PTPRJ: variants seen among roughly 807,000 people sequenced by gnomAD.
PTPRJ encodes protein tyrosine phosphatase receptor type J, also known as receptor-type tyrosine-protein phosphatase eta.
A neutral mutation model predicts 141.3 loss-of-function variants in PTPRJ; 129 were observed. The observed-to-expected ratio is 0.91, with a 90% confidence interval of 0.79 to 1.06. PTPRJ has a LOEUF of 1.06. Among genes scored for constraint, PTPRJ ranks in the 50% least tolerant of loss-of-function variants. PTPRJ has a pLI of 0.00. For synonymous variants in PTPRJ, 610 were observed against 640.5 expected, an observed-to-expected ratio of 0.95 and a Z score of 0.72; for missense variants, 1,601 against 1,679.7, an observed-to-expected ratio of 0.95 and a Z score of 0.82.
Position 48,163,599 on chromosome 11 carries a change from C to T in PTPRJ, c.3700C>T (p.Pro1234Ser), listed in dbSNP as rs764318629. ...DYMKQSPPES[P>S]ILVHCSAGVG... ...CATGAAGCAGAGTCCTCCCGAATCG[C>T]CGATTCTGGTGCATTGCAGGTACGC... The change falls in exon 23 of 25, where the codon CCG (proline) becomes TCG (serine). Residue 1234 changes from proline (P) to serine (S), a missense_variant. Coordinates refer to ENST00000418331, the MANE Select transcript of PTPRJ (RefSeq NM_002843.4). 1.2e-6 allele frequency: 2 copies of T among 1,613,694 alleles called. No individual in the cohort carries two copies. The highest frequency in any genetic ancestry group is 3.3e-5 in the Admixed American group (2 of 60,020).
In PTPRJ at chr11:48,168,606, T is replaced by G. The variant is rs1280952385; in HGVS notation, c.*1244T>G. On this transcript the variant is annotated 3_prime_UTR_variant, in exon 25 of 25. Transcript: ENST00000418331. ...TACACTAAGCTCTCAAAAACAGTCATTCCTATGAATTGAGGTGTACAAAGT... is the reference window on the plus strand; with the variant it reads ...TACACTAAGCTCTCAAAAACAGTCAGTCCTATGAATTGAGGTGTACAAAGT... 1 of 131,622 alleles carries G rather than the reference T, an allele frequency of 7.6e-6. No homozygotes were observed. The highest frequency in any genetic ancestry group is 2.8e-5 in the African/African-American group (1 of 35,212). The allele number at this position is 131,622 out of a possible 1,614,324, so 8.2% of individuals were successfully genotyped here. A position where few individuals can be genotyped will look rare whatever the true frequency, so the allele number is the denominator to read the frequency against.
At chr11:48,033,596 G>A (rs539951266) in intron 1 of PTPRJ, among the ~76,000 whole-genome samples, 1 of 152,248 alleles carries the variant, frequency 6.6e-6, no homozygotes, top group East Asian at 1.9e-4. Flanking sequence ...TGCTCCAAAC[G>A]TGTGCTATGG....
chr11:48,087,692 C>T (rs1031726912), intron 1 of PTPRJ, among the ~76,000 whole-genome samples: 3 of 152,164 alleles, frequency 2.0e-5, no homozygotes, highest in Non-Finnish European at 2.9e-5. Flanking sequence ...TTTGAGTCAT[C>T]CATTTGAACA....
chr11:48,156,924 C>T (rs960163204), intron 21 of PTPRJ, among the ~76,000 whole-genome samples: 2 of 151,864 alleles, frequency 1.3e-5, no homozygotes, highest in African/African-American at 4.8e-5. Flanking sequence ...AGACTTATCC[C>T]TGGATAAGCC....
intron 19 of PTPRJ, among the ~76,000 whole-genome samples, chr11:48,154,215 C>G (rs1275812063): frequency 2.0e-5 from 3 of 152,208 alleles, no homozygotes; most frequent in Non-Finnish European, 4.4e-5. Flanking sequence ...GTCTGTCTGT[C>G]TCAGTAAGGG....
chr11:48,064,011 A>T (rs1301668453), intron 1 of PTPRJ, among the ~76,000 whole-genome samples: 3 of 150,814 alleles, frequency 2.0e-5, no homozygotes. Context: ...TCTGCCTGAG[A>T]GTTGATTTTC....
At chr11:48,110,979 T>A (rs1287966768) in intron 2 of PTPRJ, among the ~76,000 whole-genome samples, 1 of 152,200 alleles carries the variant, frequency 6.6e-6, no homozygotes, top group Non-Finnish European at 1.5e-5. Flanking sequence ...CATAAAACAT[T>A]TCTATAAGAA....
In PTPRJ at chr11:48,169,523, T is replaced by G. The variant is rs1213869014; in HGVS notation, c.*2161T>G. On this transcript the variant is annotated 3_prime_UTR_variant, in exon 25 of 25. Transcript: ENST00000418331. ...CTCATACAGATCTCGGAGCGGTCGG[T>G]ACTTCATTCATAGGTCCCTGTTCAG... 1 of 152,114 alleles carries G rather than the reference T, an allele frequency of 6.6e-6. No individual in the cohort carries two copies. The highest frequency in any genetic ancestry group is 1.5e-5 in the Non-Finnish European group (1 of 68,080). 9.4% of individuals were successfully genotyped at this position (152,114 alleles called of 1,614,324 possible). A position where few individuals can be genotyped will look rare whatever the true frequency, so the allele number is the denominator to read the frequency against.
In PTPRJ at chr11:47,980,713, T is replaced by C. The variant is rs941200951; in HGVS notation, c.-200T>C. 6.3e-5 allele frequency: 63 copies of C among 997,348 alleles called. No individual in the cohort carries two copies. Among genetic ancestry groups the C allele is most frequent in the Non-Finnish European group, 7.4e-5 (62 of 839,938 alleles). The allele number at this position is 997,348 out of a possible 1,614,324, so 61.8% of individuals were successfully genotyped here. ...CCCCCCCGCGGCAGCCGCGCTAGGC[T>C]CCGGCGTGTGGCCGCGGCCGCCGCC... On this transcript the variant is annotated 5_prime_UTR_variant, in exon 1 of 25. Transcript: ENST00000418331.
intron 1 of PTPRJ, among the ~76,000 whole-genome samples, chr11:48,038,943 G>A (rs1388717331): frequency 3.3e-5 from 5 of 150,956 alleles, no homozygotes; most frequent in Non-Finnish European, 7.4e-5. Flanking sequence ...GAGGTCAGGA[G>A]TTCGAGACCA....
At chr11:48,089,501 G>A (rs1855806130) in intron 1 of PTPRJ, among the ~76,000 whole-genome samples, 1 of 139,852 alleles carries the variant, frequency 7.2e-6, no homozygotes, top group Non-Finnish European at 1.5e-5. Flanking sequence ...GGGCAACGGA[G>A]CGAGACTCCA....
At chr11:48,003,755 C>CA (rs1247937526) in intron 1 of PTPRJ, among the ~76,000 whole-genome samples, 1 of 152,190 alleles carries the variant, frequency 6.6e-6, no homozygotes, top group African/African-American at 2.4e-5. Context: ...CTTGGCTCCT[C>CA]AAAGTGTTGG....
chr11:48,083,290 T>C (rs1855614113), intron 1 of PTPRJ, among the ~76,000 whole-genome samples: 1 of 152,094 alleles, frequency 6.6e-6, no homozygotes, highest in Non-Finnish European at 1.5e-5. Context: ...CTGAGCGTGG[T>C]GGTGTGCGCC....
intron 1 of PTPRJ, among the ~76,000 whole-genome samples, chr11:48,054,302 G>T (rs933978163): frequency 6.6e-6 from 1 of 152,194 alleles, no homozygotes; most frequent in African/African-American, 2.4e-5. Flanking sequence ...GGGCCCCATT[G>T]TGCAACCTCT....
At chr11:48,079,831 G>T (rs984742914) in intron 1 of PTPRJ, among the ~76,000 whole-genome samples, 3 of 152,124 alleles carry the variant, frequency 2.0e-5, no homozygotes, top group Non-Finnish European at 4.4e-5. Context: ...CTACAGTCCC[G>T]TGCCTGCTTC....
intron 1 of PTPRJ, among the ~76,000 whole-genome samples, chr11:47,994,078 C>T (rs1483131874): frequency 6.6e-6 from 1 of 151,254 alleles, no homozygotes; most frequent in Non-Finnish European, 1.5e-5. Flanking sequence ...CCAGGCTGGT[C>T]GTGAACTCTT....
At chr11:48,137,463 A>G (rs1433903573) in intron 10 of PTPRJ, among the ~76,000 whole-genome samples, 182 bp downstream of exon 10, 2 of 152,192 alleles carry the variant, frequency 1.3e-5, no homozygotes, top group Non-Finnish European at 2.9e-5. Flanking sequence ...TTCTGCATTC[A>G]ATAAATATTT....
intron 2 of PTPRJ, among the ~76,000 whole-genome samples, chr11:48,112,070 C>T (rs1856454773): frequency 6.6e-6 from 1 of 152,120 alleles, no homozygotes; most frequent in Non-Finnish European, 1.5e-5. Context: ...GCCACTGCCA[C>T]AGTGTTGGTT....
At chr11:48,155,675 C>T in intron 19 of PTPRJ, 126 bp from the exon 20 acceptor site, 1 of 724,526 alleles carries the variant, frequency 1.4e-6, no homozygotes, top group Admixed American at 2.7e-5. Context: ...AAATGCCACA[C>T]TGTGCATCTT....
Sources: allele counts gnomAD v4.1 joint callset (sites outside exome capture counted in the v4.1 genomes callset), GRCh38; gene constraint gnomAD v4.1.1; transcripts MANE v1.5; gene names NCBI Gene and HGNC (gene_info 2026-07-23, HGNC 2026-07-21).